PSD2: variants seen among roughly 807,000 people sequenced by gnomAD.
The protein encoded by PSD2 is pleckstrin and Sec7 domain containing 2, also known as PH and SEC7 domain-containing protein 2.
Under a neutral mutation model 69.8 loss-of-function variants are expected in PSD2, and 38 were observed. That is an observed-to-expected ratio of 0.54 (90% confidence interval 0.42 to 0.71). The LOEUF is 0.71. Ranked by LOEUF, PSD2 falls within the 30% of genes least tolerant of loss-of-function variation. PSD2 has a pLI of 0.00. For synonymous variants in PSD2, 412 were observed against 423.0 expected (o/e 0.97, Z 0.32); for missense variants, 943 against 1,014.5 (o/e 0.93, Z 0.96).
At chr5:139,775,753 C>G in the PSD2 span, among the ~76,000 whole-genome samples, 1 of 152,232 alleles carries the variant, frequency 6.6e-6, no homozygotes, top group South Asian at 2.1e-4. Flanking sequence ...ACTGCAACCT[C>G]CGTCTCCGAG....
intron 7 of PSD2, among the ~76,000 whole-genome samples, chr5:139,824,465 C>T (rs115496414): frequency 0.024 from 3,485 of 145,534 alleles, 66 homozygotes; most frequent in Middle Eastern, 0.046. Flanking sequence ...GGCGAGATCT[C>T]GGTTCACCAC....
At position 139,814,253 on chromosome 5, in the gene PSD2, C is replaced by T. The variant is rs377562857; in HGVS notation, c.905C>T (p.Pro302Leu). Residue 302 changes from proline (P) to leucine (L), a missense_variant, in exon 4 of 15, where the codon CCT (proline) becomes CTT (leucine). Pro to Leu is a moderately conservative substitution (Grantham distance 98). Around this residue, in one of 3 missense-constraint regions of PSD2, gnomAD observed 466 missense variants for 445.0 expected, o/e 1.05. Transcript: ENST00000274710. This position sits in a 1 kb window ranked among gnomAD's most constrained non-coding sequence, Gnocchi z 4.4. ...SEGLEPGSAD[P>L]LANGCQGVSE... ...GGGTTGGAGCCTGGTAGTGCAGACC[C>T]TCTGGCCAACGGGTGCCAGGGGGTC... 4.2e-5 allele frequency: 67 copies of T among 1,613,758 alleles called. No homozygotes were observed. The highest frequency in any genetic ancestry group is 5.3e-5 in the Non-Finnish European group (63 of 1,179,882).
At chr5:139,774,692 A>G in the PSD2 span, among the ~76,000 whole-genome samples, 1 of 152,016 alleles carries the variant, frequency 6.6e-6, no homozygotes, top group Non-Finnish European at 1.5e-5. Context: ...GGGTTTCACC[A>G]TGTTGGTCAG....
the PSD2 span, among the ~76,000 whole-genome samples, chr5:139,787,440 G>A: frequency 6.6e-6 from 1 of 152,248 alleles, no homozygotes; most frequent in African/African-American, 2.4e-5. Flanking sequence ...TAGGTAAAAT[G>A]GCAATCATGT....
chr5:139,792,467 C>T (rs1759430622), upstream of PSD2, among the ~76,000 whole-genome samples: 1 of 152,084 alleles, frequency 6.6e-6, no homozygotes, highest in African/African-American at 2.4e-5. Flanking sequence ...GGGGACCAGT[C>T]AAGGGCCAGG....
the PSD2 span, among the ~76,000 whole-genome samples, chr5:139,774,822 A>T: frequency 6.6e-6 from 1 of 152,140 alleles, no homozygotes; most frequent in Non-Finnish European, 1.5e-5. Context: ...AATTTAGAGT[A>T]AGCACCGCTT....
the PSD2 span, among the ~76,000 whole-genome samples, chr5:139,752,362 C>T: frequency 6.6e-6 from 1 of 152,168 alleles, no homozygotes; most frequent in Admixed American, 6.5e-5. Context: ...CCCAGCTCAA[C>T]TCATCACCAG....
At chr5:139,832,341 C>G (rs143812852) in intron 7 of PSD2, among the ~76,000 whole-genome samples, 1 of 152,148 alleles carries the variant, frequency 6.6e-6, no homozygotes. Context: ...AAATACAAAA[C>G]ACACTTGTAT....
Position 139,811,013 on chromosome 5 carries a change from A to G in PSD2, c.371+1202A>G, listed in dbSNP as rs1056708769. Among the ~76,000 whole-genome samples, 11 of 152,134 alleles carry G rather than the reference A, an allele frequency of 7.2e-5. No homozygotes were observed. The East Asian group carries it at 1.5e-3, about 21-fold the overall frequency. ...GACCCTGGGCTGAGAGCTCCCCACA[A>G]GCAGGGCTCTGTCTTGTTTGGATGT... On this transcript the variant is annotated intron_variant, in intron 2 of 14. Transcript: ENST00000274710.
At chr5:139,801,338 T>C (rs1218729964) in intron 1 of PSD2, among the ~76,000 whole-genome samples, 1 of 152,074 alleles carries the variant, frequency 6.6e-6, no homozygotes, top group African/African-American at 2.4e-5. Flanking sequence ...TCCGCTGACC[T>C]CTCCTCTCAA....
intron 7 of PSD2, among the ~76,000 whole-genome samples, chr5:139,823,351 C>T (rs577330624): frequency 2.6e-5 from 4 of 152,250 alleles, no homozygotes; most frequent in African/African-American, 7.2e-5. Flanking sequence ...CCCTGTGTGC[C>T]GAGGCCCCCA....
the PSD2 span, chr5:139,746,365 C>G: frequency 1.1e-3 from 163 of 152,378 alleles, 1 homozygote; most frequent in African/African-American, 3.8e-3. This position sits in a 1 kb window ranked among gnomAD's most constrained non-coding sequence, Gnocchi z 4.5. Context: ...GAAACTTCAA[C>G]TTCATCAACT....
chr5:139,809,462 T>C lies in PSD2; in HGVS notation c.22T>C (p.Ser8Pro), dbSNP rs549790303. ...TGCCATGGAGGAGGACAAGCTCTTA[T>C]CTGCAGTGCCTGAGGAAGGCGATGC... MEEDKLLSAVPEEGDATR... is the reference protein window; with the variant it reads MEEDKLLPAVPEEGDATR... Residue 8 changes from serine to proline, a missense_variant, in exon 2 of 15, where the codon TCT (serine) becomes CCT (proline). This residue lies in a region of PSD2 where 466 missense variants were observed against 445.0 expected (regional missense o/e 1.05). Coordinates refer to ENST00000274710, the MANE Select transcript of PSD2 (RefSeq NM_032289.4). 26 of 1,612,236 alleles carry C rather than the reference T, an allele frequency of 1.6e-5. No homozygotes were observed. In the South Asian group the frequency reaches 2.6e-4, roughly 16 times the overall value.
intron 7 of PSD2, among the ~76,000 whole-genome samples, chr5:139,830,582 C>CT (rs1211139443): frequency 7.2e-6 from 1 of 139,552 alleles, no homozygotes; most frequent in African/African-American, 2.9e-5. Flanking sequence ...TTCTTTCTTT[C>CT]TTTCTTTCTT....
the PSD2 span, among the ~76,000 whole-genome samples, chr5:139,778,928 C>T: frequency 3.8e-5 from 2 of 53,072 alleles, no homozygotes; most frequent in African/African-American, 1.5e-4. Flanking sequence ...GCCAATGTCT[C>T]AAAAAAAGAA....
the PSD2 span, among the ~76,000 whole-genome samples, chr5:139,766,913 CTTCCTTCCTTCCTTCCCTTCTTT>C: frequency 2.9e-5 from 1 of 34,068 alleles, no homozygotes; most frequent in Non-Finnish European, 6.3e-5. Context: ...CCCTCCCTTC[CTTCCTTCCTTCCTTCCCTTCTTT>C]CTTTCTTTCT....
At chr5:139,747,734 A>G in the PSD2 span, among the ~76,000 whole-genome samples, 12 of 152,216 alleles carry the variant, frequency 7.9e-5, no homozygotes, top group Non-Finnish European at 1.8e-4. This position sits in a 1 kb window ranked among gnomAD's most constrained non-coding sequence, Gnocchi z 6.7. Context: ...AAAGTTTCAC[A>G]GCCATCTGCT....
Position 139,813,764 on chromosome 5 carries a change from G to A in PSD2, c.821+6G>A, listed in dbSNP as rs1386710374. ...AAGTTGCTGAACTCAGCCAGGTGAGGCAGGGCCCAGGCTGGGAGAACCACC... is the reference window on the plus strand; with the variant it reads ...AAGTTGCTGAACTCAGCCAGGTGAGACAGGGCCCAGGCTGGGAGAACCACC... On this transcript the variant is annotated splice_donor_region_variant and intron_variant, in intron 3 of 14. Coordinates refer to ENST00000274710, the MANE Select transcript of PSD2 (RefSeq NM_032289.4). 1 of 1,593,660 alleles carries A rather than the reference G, an allele frequency of 6.3e-7. No individual in the cohort carries two copies. Among genetic ancestry groups the A allele is most frequent in the Admixed American group, 1.7e-5 (1 of 58,690 alleles).
chr5:139,801,308 C>T (rs1581708975), intron 1 of PSD2, among the ~76,000 whole-genome samples: 1 of 152,242 alleles, frequency 6.6e-6, no homozygotes, highest in East Asian at 1.9e-4. Context: ...TCTCTTGACT[C>T]TACTCTTATG....
Sources: gnomAD v4.1 joint callset for allele counts (sites outside exome capture counted in the v4.1 genomes callset) on GRCh38, gnomAD v4.1.1 for gene constraint, gnomAD v4.1.1 regional missense constraint, Gnocchi (gnomAD v3.1) non-coding constraint, MANE v1.5 for transcripts, NCBI Gene and HGNC (gene_info 2026-07-23, HGNC 2026-07-21) for gene names.